Variants in KIAA1217 observed in about 807,000 individuals in gnomAD.
KIAA1217 encodes the protein sickle tail protein homolog.
In KIAA1217, 88 loss-of-function variants were observed where a neutral mutation model predicts 163.9. That is an observed-to-expected ratio of 0.54 (90% CI 0.45 to 0.64). The LOEUF is 0.64. Ranked by LOEUF, KIAA1217 falls within the 30% of genes least tolerant of loss-of-function variation. The pLI is 0.00. For synonymous variants in KIAA1217, 903 were observed against 923.1 expected, an observed-to-expected ratio of 0.98 and a Z score of 0.39; for missense variants, 2,372 against 2,475.0, an observed-to-expected ratio of 0.96 and a Z score of 0.88.
Position 23,790,358 on chromosome 10 carries a change from C to T in KIAA1217, c.-321+95124C>T, listed in dbSNP as rs540483953. 8.8e-5 allele frequency among the ~76,000 whole-genome samples: 9 copies of T among 101,928 alleles called. 2 individuals carry two copies. Among genetic ancestry groups the T allele is most frequent in the Non-Finnish European group, 1.5e-4 (8 of 54,006 alleles). The allele number at this position is 101,928 out of a possible 152,430, so 66.9% of individuals were successfully genotyped here. ...ATGCATATATACATATGCATATATG[C>T]ATATATACATATACATATGTATATA... is the stretch of plus-strand genomic sequence containing the variant. On this transcript the variant is annotated intron_variant, in intron 1 of 18. Coordinates refer to the KIAA1217 transcript ENST00000376462.
At chr10:24,417,119 A>T (rs532637918) in intron 3 of KIAA1217, among the ~76,000 whole-genome samples, 2 of 152,020 alleles carry the variant, frequency 1.3e-5, no homozygotes, top group Admixed American at 6.6e-5. Flanking sequence ...TGTTTTTTTT[A>T]AGAGCTCCAA....
chr10:24,402,392 C>T (rs2056639672), intron 3 of KIAA1217, among the ~76,000 whole-genome samples: 1 of 151,514 alleles, frequency 6.6e-6, no homozygotes, highest in African/African-American at 2.4e-5. Flanking sequence ...GCCTGTAGTC[C>T]CAACTACTCA....
intron 2 of KIAA1217, among the ~76,000 whole-genome samples, chr10:24,030,254 A>C (rs1442395295): frequency 1.3e-5 from 2 of 151,598 alleles, no homozygotes. Context: ...CCTCGCCCAA[A>C]TCTCATCTCA....
At chr10:24,056,505 T>C (rs2060537928) in intron 2 of KIAA1217, among the ~76,000 whole-genome samples, 1 of 152,026 alleles carries the variant, frequency 6.6e-6, no homozygotes, top group South Asian at 2.1e-4. Flanking sequence ...TCTAAAGTTA[T>C]ATTATCATAC....
At chr10:23,931,756 C>A (rs1005739036) in intron 1 of KIAA1217, among the ~76,000 whole-genome samples, 1 of 152,134 alleles carries the variant, frequency 6.6e-6, no homozygotes, top group African/African-American at 2.4e-5. Flanking sequence ...GGCAGATATG[C>A]AGTTTCTTAA....
rs149833800 is a variant in KIAA1217 at position 24,243,924 on chromosome 10, C to T, written c.354+24015C>T. The stretch of plus-strand genomic sequence containing the variant: ...TTATCTTTGATCAATAAGTAGCGAT[C>T]GCATTGAGCAGAGCACTTTACACCT... On this transcript the variant is annotated intron_variant, in intron 2 of 20. Coordinates refer to ENST00000376454, the MANE Select transcript of KIAA1217 (RefSeq NM_019590.5). Among the ~76,000 whole-genome samples the T allele has an allele frequency of 3.9e-5, 6 of 152,226 alleles. No individual in the cohort carries two copies. In the East Asian group the frequency reaches 5.8e-4, roughly 15 times the overall value.
rs180844773 is a variant in KIAA1217, at chr10:24,165,732, G to A, written c.-170-53894G>A. Reference sequence around the variant, plus strand: ...GAACAGGAAAATGGTATTTGACAGGGCATGGTTGAAGGCCATAACTGGAAA... The same window carrying A: ...GAACAGGAAAATGGTATTTGACAGGACATGGTTGAAGGCCATAACTGGAAA... On this transcript the variant is annotated intron_variant, in intron 2 of 18. Coordinates refer to the KIAA1217 transcript ENST00000376462. Among the ~76,000 whole-genome samples, 133 of 152,304 alleles carry A rather than the reference G, an allele frequency of 8.7e-4. 1 individual carries two copies. The highest frequency in any genetic ancestry group is 4.4e-5 in the Non-Finnish European group (3 of 68,026).
chr10:24,384,079 G>A (rs1229467487), intron 3 of KIAA1217, among the ~76,000 whole-genome samples: 3 of 152,182 alleles, frequency 2.0e-5, no homozygotes, highest in Non-Finnish European at 4.4e-5. Context: ...AAGCACAGCT[G>A]CAACTCCATG....
At chr10:24,400,246 A>G (rs1253429738) in intron 3 of KIAA1217, among the ~76,000 whole-genome samples, 1 of 152,240 alleles carries the variant, frequency 6.6e-6, no homozygotes, top group African/African-American at 2.4e-5. Flanking sequence ...TGAAGCCTGG[A>G]CTTATACTAC....
intron 1 of KIAA1217, among the ~76,000 whole-genome samples, chr10:23,841,288 GA>G (rs938763299): frequency 6.6e-6 from 1 of 151,954 alleles, no homozygotes; most frequent in Non-Finnish European, 1.5e-5. Flanking sequence ...ATTCCAGAAA[GA>G]AAAAAACAAC....
chr10:23,887,884 CA>C (rs1247564693), intron 1 of KIAA1217, among the ~76,000 whole-genome samples: 5 of 151,630 alleles, frequency 3.3e-5, no homozygotes, highest in Non-Finnish European at 7.4e-5. Context: ...TTGAAAAACC[CA>C]AAATAAATAT....
At chr10:24,316,691 C>T (rs143946751) in intron 2 of KIAA1217, among the ~76,000 whole-genome samples, 1 of 152,122 alleles carries the variant, frequency 6.6e-6, no homozygotes, top group East Asian at 1.9e-4. Context: ...ACAGGATACC[C>T]CATCCCATTT....
intron 2 of KIAA1217, among the ~76,000 whole-genome samples, chr10:24,202,559 G>A (rs560127414): frequency 1.1e-4 from 16 of 152,252 alleles, no homozygotes; most frequent in African/African-American, 3.6e-4. Context: ...CATGAGCACC[G>A]TTGCCCAAAG....
intron 2 of KIAA1217, among the ~76,000 whole-genome samples, chr10:24,088,252 T>TATAC (rs2061776292): frequency 9.7e-6 from 1 of 102,946 alleles, no homozygotes; most frequent in African/African-American, 3.3e-5. Context: ...GTTTTTTTAA[T>TATAC]ATACATATAT....
rs1302725956 is a variant in KIAA1217 at position 23,709,341 on chromosome 10, T to C, written c.-321+14107T>C. ...GTGTTTAAGACCAGCCTGGGCAAGA[T>C]AGCAAGACCTCGTCTTTATAAAATA... On this transcript the variant is annotated intron_variant, in intron 1 of 18. Transcript: ENST00000376462. 3.9e-5 allele frequency among the ~76,000 whole-genome samples: 6 copies of C among 152,128 alleles called. No homozygotes were observed. The East Asian group carries it at 7.8e-4, about 20-fold the overall frequency.
intron 1 of KIAA1217, among the ~76,000 whole-genome samples, chr10:23,739,627 G>A (rs1367856087): frequency 2.0e-5 from 3 of 152,186 alleles, no homozygotes; most frequent in Non-Finnish European, 4.4e-5. Context: ...TTGTACATGA[G>A]ATGGGAATGT....
chr10:24,496,823 G>C (rs910137552), intron 8 of KIAA1217, among the ~76,000 whole-genome samples: 4 of 152,154 alleles, frequency 2.6e-5, no homozygotes, highest in African/African-American at 9.7e-5. Flanking sequence ...AAAAACTCTT[G>C]TCAATTTCTT....
At chr10:24,395,882 G>A (rs7075108) in intron 3 of KIAA1217, among the ~76,000 whole-genome samples, 1 of 151,982 alleles carries the variant, frequency 6.6e-6, no homozygotes, top group Non-Finnish European at 1.5e-5. Flanking sequence ...GGGGTCTCAC[G>A]ATTAGCCCAG....
intron 2 of KIAA1217, among the ~76,000 whole-genome samples, chr10:24,345,359 C>G (rs959796008): frequency 5.9e-5 from 9 of 152,078 alleles, no homozygotes; most frequent in African/African-American, 2.2e-4. Flanking sequence ...GGAGTCATTC[C>G]AAATAAAAAG....
Sources: gnomAD v4.1 joint callset for allele counts (sites outside exome capture counted in the v4.1 genomes callset) on GRCh38, gnomAD v4.1.1 for gene constraint, MANE v1.5 for transcripts, NCBI Gene and HGNC (gene_info 2026-07-23, HGNC 2026-07-21) for gene names.